S100A8: variants seen among roughly 807,000 people sequenced by gnomAD.
S100A8 encodes the protein S100 calcium binding protein A8, also known as protein S100-A8.
In S100A8, 1 loss-of-function variant was observed where a neutral mutation model predicts 4.2. The ratio of observed to expected loss-of-function variants is 0.24; its 90% CI spans 0.08 to 1.12. The LOEUF (loss-of-function observed/expected upper bound fraction) is 1.12, where lower values mean the gene tolerates loss of function less well. Among genes scored for constraint, S100A8 ranks in the 50% most tolerant of loss-of-function variants. The pLI is 0.53. For missense variants in S100A8, 96 were observed against 111.8 expected, an observed-to-expected ratio of 0.86 and a Z score of 0.64; for synonymous variants, 41 against 44.7, an observed-to-expected ratio of 0.92 and a Z score of 0.33.
At chr1:153,390,767 C>T (rs2101608986) in intron 1 of S100A8, 2 of 628,572 alleles carry the variant, frequency 3.2e-6, no homozygotes, top group East Asian at 5.9e-5. Flanking sequence ...CACACAGAGA[C>T]ATGTGCACAC....
the S100A8 span, chr1:153,420,659 T>C: frequency 6.6e-6 from 1 of 152,330 alleles, no homozygotes; most frequent in African/African-American, 2.4e-5. Flanking sequence ...CTCGTCAGCC[T>C]TCAGGACTGA....
the S100A8 span, chr1:153,419,027 C>T: frequency 2.2e-5 from 24 of 1,102,806 alleles, 1 homozygote; most frequent in East Asian, 5.0e-5. Context: ...CTCAGCCCCA[C>T]GACCATGCCT....
At chr1:153,413,738 TA>T in the S100A8 span, among the ~76,000 whole-genome samples, 8 of 152,126 alleles carry the variant, frequency 5.3e-5, no homozygotes, top group South Asian at 1.7e-3. Context: ...CCATTTCTAT[TA>T]AAAATACAAA....
At chr1:153,415,266 C>A in the S100A8 span, among the ~76,000 whole-genome samples, 1 of 151,836 alleles carries the variant, frequency 6.6e-6, no homozygotes, top group Non-Finnish European at 1.5e-5. Flanking sequence ...AGAAACAGGT[C>A]CCCCTGGTTA....
At chr1:153,409,592 A>T in the S100A8 span, among the ~76,000 whole-genome samples, 4 of 152,354 alleles carry the variant, frequency 2.6e-5, no homozygotes, top group East Asian at 7.7e-4. Flanking sequence ...TAACAAGGAT[A>T]TCCAGCTCTG....
At chr1:153,405,473 C>T in the S100A8 span, among the ~76,000 whole-genome samples, 3 of 151,190 alleles carry the variant, frequency 2.0e-5, no homozygotes, top group Non-Finnish European at 4.4e-5. Flanking sequence ...CAAGAGCATC[C>T]TTATCATACC....
At chr1:153,407,980 A>G in the S100A8 span, among the ~76,000 whole-genome samples, 1 of 152,200 alleles carries the variant, frequency 6.6e-6, no homozygotes, top group Non-Finnish European at 1.5e-5. Context: ...TCACCATCAT[A>G]AAAGACCAAA....
chr1:153,397,884 G>A, the S100A8 span, among the ~76,000 whole-genome samples: 4 of 152,148 alleles, frequency 2.6e-5, no homozygotes, highest in South Asian at 2.1e-4. Context: ...TTCTATCCCC[G>A]CAAGGGCCCC....
the S100A8 span, chr1:153,419,764 C>T: frequency 2.5e-3 from 387 of 157,808 alleles, 1 homozygote; most frequent in Admixed American, 3.8e-3. Flanking sequence ...TTCTCCAGGG[C>T]TTGGGGAAAC....
upstream of S100A8, among the ~76,000 whole-genome samples, chr1:153,394,579 G>T (rs1386833635): frequency 6.6e-6 from 1 of 152,188 alleles, no homozygotes; most frequent in Non-Finnish European, 1.5e-5. Flanking sequence ...TGTGGCAGAA[G>T]ATGCCCTTCC....
At chr1:153,406,910 A>G in the S100A8 span, among the ~76,000 whole-genome samples, 6 of 152,372 alleles carry the variant, frequency 3.9e-5, no homozygotes, top group South Asian at 1.2e-3. Context: ...GGCCCCTATT[A>G]AAGCTAATTT....
chr1:153,399,126 G>A, the S100A8 span, among the ~76,000 whole-genome samples: 8 of 152,288 alleles, frequency 5.3e-5, no homozygotes, highest in East Asian at 1.9e-4. Context: ...GATCCAGCCT[G>A]TAGTTGATCC....
At chr1:153,397,308 C>G in the S100A8 span, among the ~76,000 whole-genome samples, 1 of 152,122 alleles carries the variant, frequency 6.6e-6, no homozygotes, top group Non-Finnish European at 1.5e-5. Context: ...GTGCATTTGC[C>G]TGCATCAGGA....
the S100A8 span, among the ~76,000 whole-genome samples, chr1:153,407,007 G>A: frequency 6.6e-6 from 1 of 152,328 alleles, no homozygotes; most frequent in East Asian, 1.9e-4. Flanking sequence ...GTTCCAAGAT[G>A]GCCGAATAGG....
At chr1:153,401,949 C>G in the S100A8 span, among the ~76,000 whole-genome samples, 1 of 151,984 alleles carries the variant, frequency 6.6e-6, no homozygotes, top group Non-Finnish European at 1.5e-5. Context: ...TTAGAGCAAC[C>G]TGATATCCCA....
upstream of S100A8, among the ~76,000 whole-genome samples, chr1:153,395,212 T>C (rs938817277): frequency 1.3e-5 from 2 of 152,052 alleles, no homozygotes; most frequent in African/African-American, 4.8e-5. Flanking sequence ...CCAACCCTTC[T>C]CTCCCTCAGG....
chr1:153,419,290 G>A, the S100A8 span: 1 of 1,614,152 alleles, frequency 6.2e-7, no homozygotes, highest in Non-Finnish European at 8.5e-7. Flanking sequence ...GCGGCGCCCT[G>A]TTCTGGGGGA....
At chr1:153,401,025 G>A in the S100A8 span, among the ~76,000 whole-genome samples, 3 of 152,152 alleles carry the variant, frequency 2.0e-5, no homozygotes, top group Non-Finnish European at 4.4e-5. Flanking sequence ...CCTACCTTTT[G>A]TTCACTCTGG....
At chr1:153,402,556 G>C in the S100A8 span, among the ~76,000 whole-genome samples, 54 of 152,328 alleles carry the variant, frequency 3.5e-4, no homozygotes, top group East Asian at 8.9e-3. Flanking sequence ...TGAGGTCTGA[G>C]GGGCAGGCAG....
Sources: gnomAD v4.1 joint callset for allele counts (sites outside exome capture counted in the v4.1 genomes callset) on GRCh38, gnomAD v4.1.1 for gene constraint, MANE v1.5 for transcripts, NCBI Gene and HGNC (gene_info 2026-07-23, HGNC 2026-07-21) for gene names.